The following ZNF385C variants were observed in gnomAD, a reference collection of about 807,000 sequenced individuals.
ZNF385C encodes CTD-2132N18.2.
Under a neutral mutation model 35.4 loss-of-function variants are expected in ZNF385C, and 28 were observed. That is an observed-to-expected ratio of 0.79 (90% CI 0.59 to 1.08). ZNF385C has a LOEUF of 1.08. ZNF385C is among the 50% of genes least tolerant of loss of function. The pLI is 0.00. For missense variants in ZNF385C, 605 were observed against 595.6 expected (o/e 1.02, Z -0.16); for synonymous variants, 248 against 248.2 (o/e 1.00, Z 0.01).
At chr17:42,088,520 C>T (rs549202501) in intron 1 of ZNF385C, among the ~76,000 whole-genome samples, 56 of 152,384 alleles carry the variant, frequency 3.7e-4, no homozygotes, top group African/African-American at 1.3e-3. Context: ...GCTCCAGCCA[C>T]GGGACTCGAG....
At position 42,027,618 on chromosome 17, in the gene ZNF385C, C is replaced by G. The variant is rs781940212; in HGVS notation, c.1275G>C (p.Lys425Asn). 1 of 1,412,894 alleles carries G rather than the reference C, an allele frequency of 7.1e-7. No individual in the cohort carries two copies. The highest frequency in any genetic ancestry group is 9.4e-7 in the Non-Finnish European group (1 of 1,059,490). The allele number at this position is 1,412,894 out of a possible 1,614,324, so 87.5% of individuals were successfully genotyped here. The change falls in exon 8 of 9, where the codon AAG becomes AAC. Residue 425 changes from lysine to asparagine, a missense_variant and splice_region_variant. Lys to Asn is a moderately conservative substitution (Grantham distance 94). Coordinates refer to ENST00000692273, the MANE Select transcript of ZNF385C (RefSeq NM_001392013.1). The part of the protein sequence containing the change: ...KHAALAVSIL[K>N]SKLALQKQLT... ...AGCTCTGTTGCCTGGAGACAGATACCTTGAGGATACTCACAGCCAGCGCTG... is the reference window on the plus strand; with the variant it reads ...AGCTCTGTTGCCTGGAGACAGATACGTTGAGGATACTCACAGCCAGCGCTG...
chr17:42,041,262 C>T (rs982722505), intron 2 of ZNF385C: 29 of 1,203,180 alleles, frequency 2.4e-5, no homozygotes, highest in East Asian at 3.2e-5. Context: ...GCAGGCAGTG[C>T]GGGGTGGTGG....
chr17:42,086,701 CAAA>C lies in ZNF385C; in HGVS notation c.-3+11706_-3+11708del, dbSNP rs1184011274. On this transcript the variant is annotated intron_variant, in intron 1 of 8. Transcript: ENST00000692273. ...TGGGCAACAGAGTGAGATTCCATCTCAAAAAAAAAAAAAAAAAAATCCAATAAA... is the reference window on the plus strand; with the variant it reads ...TGGGCAACAGAGTGAGATTCCATCTCAAAAAAAAAAAAAAAATCCAATAAA... Among the ~76,000 whole-genome samples, 474 of 66,832 alleles carry C rather than the reference CAAA, an allele frequency of 7.1e-3. 2 individuals carry two copies. Among genetic ancestry groups the C allele is most frequent in the African/African-American group, 0.018 (360 of 19,482 alleles). 43.8% of individuals were successfully genotyped at this position (66,832 alleles called of 152,430 possible).
chr17:42,028,501 G>A (rs2052649504), intron 6 of ZNF385C: 5 of 581,442 alleles, frequency 8.6e-6, no homozygotes, highest in Middle Eastern at 4.5e-4. Context: ...CCTTCTGGGT[G>A]TAATCTAAGG....
chr17:42,037,378 TACACACACACAC>T lies in ZNF385C; in HGVS notation c.399+347_399+358del, dbSNP rs5820441. On this transcript the variant is annotated intron_variant, in intron 3 of 8. Coordinates refer to ENST00000692273, the MANE Select transcript of ZNF385C (RefSeq NM_001392013.1). ...GAAACTACAACAAAAAGGCACAGGTTACACACACACACACACACACACACACACACACACACA... is the reference window on the plus strand; with the variant it reads ...GAAACTACAACAAAAAGGCACAGGTTACACACACACACACACACACACACA... Among the ~76,000 whole-genome samples the T allele has an allele frequency of 1.8e-3, 266 of 144,594 alleles. 1 individual carries two copies. The highest frequency in any genetic ancestry group is 0.01 in the Middle Eastern group (3 of 286). 94.9% of individuals were successfully genotyped at this position (144,594 alleles called of 152,430 possible). A position where few individuals can be genotyped will look rare whatever the true frequency, so the allele number is the denominator to read the frequency against.
intron 1 of ZNF385C, among the ~76,000 whole-genome samples, chr17:42,092,021 G>A (rs554569600): frequency 6.6e-5 from 10 of 152,284 alleles, no homozygotes; most frequent in Admixed American, 3.9e-4. Flanking sequence ...GGGGTGAGGA[G>A]ACCCAGGTTC....
chr17:42,035,973 A>C (rs1555655405), intron 3 of ZNF385C, among the ~76,000 whole-genome samples: 1 of 151,686 alleles, frequency 6.6e-6, no homozygotes, highest in Non-Finnish European at 1.5e-5. Flanking sequence ...TTTCTTTGGA[A>C]TATTAATTTG....
chr17:42,048,956 C>T (rs1365304915), intron 2 of ZNF385C, among the ~76,000 whole-genome samples: 1 of 137,384 alleles, frequency 7.3e-6, no homozygotes, highest in Non-Finnish European at 1.6e-5. Context: ...AAAAAAAAAA[C>T]AAAAATACTG....
chr17:42,089,165 A>G (rs911902611), intron 1 of ZNF385C, among the ~76,000 whole-genome samples: 2 of 151,730 alleles, frequency 1.3e-5, no homozygotes, highest in Non-Finnish European at 2.9e-5. Flanking sequence ...AAAATACAAA[A>G]ATTAGCTGGG....
chr17:42,030,115 C>T (rs907686416), intron 5 of ZNF385C, among the ~76,000 whole-genome samples: 1 of 151,858 alleles, frequency 6.6e-6, no homozygotes, highest in African/African-American at 2.4e-5. Flanking sequence ...TGAAAGAGAA[C>T]AAACTACAGC....
At chr17:42,080,647 G>A (rs187886532) in intron 1 of ZNF385C, among the ~76,000 whole-genome samples, 2 of 152,328 alleles carry the variant, frequency 1.3e-5, no homozygotes, top group African/African-American at 4.8e-5. Context: ...GGGAGCAGCT[G>A]CTGACCACAT....
chr17:42,060,911 C>T (rs1555657959), intron 2 of ZNF385C, among the ~76,000 whole-genome samples: 2 of 151,950 alleles, frequency 1.3e-5, no homozygotes, highest in African/African-American at 2.4e-5. Flanking sequence ...GATGAGGTTT[C>T]GCCATGTTGC....
In ZNF385C at chr17:42,027,751, G is replaced by T. The variant is rs781900519; in HGVS notation, c.1165-23C>A. The T allele has an allele frequency of 6.2e-6, 10 of 1,606,212 alleles. No homozygotes were observed. In the Admixed American group the frequency reaches 1.7e-4, roughly 28 times the overall value. On this transcript the variant is annotated intron_variant, in intron 7 of 8. Transcript: ENST00000692273. ...GTGCTAATGGACAGACAGACAGACT[G>T]GGAACAAGATGACAAAGCCCAAGGA... is the stretch of plus-strand genomic sequence containing the variant.
intron 3 of ZNF385C, among the ~76,000 whole-genome samples, chr17:42,035,118 CAAAAAAAAAAAA>C (rs1239388932): frequency 1.2e-5 from 1 of 81,490 alleles, no homozygotes; most frequent in Non-Finnish European, 2.2e-5. Flanking sequence ...GACTCTGTCT[CAAAAAAAAAAAA>C]AAAAAAAAAG....
intron 1 of ZNF385C, among the ~76,000 whole-genome samples, chr17:42,084,447 A>G (rs2053784221): frequency 6.6e-6 from 1 of 152,258 alleles, no homozygotes; most frequent in East Asian, 1.9e-4. Flanking sequence ...TCCAAGATCA[A>G]AATCCTAAAT....
At chr17:42,060,520 G>C (rs143639084) in intron 2 of ZNF385C, among the ~76,000 whole-genome samples, 55 of 152,224 alleles carry the variant, frequency 3.6e-4, no homozygotes, top group African/African-American at 1.3e-3. Flanking sequence ...TTAACAATCT[G>C]GACTGGAGTA....
intron 1 of ZNF385C, among the ~76,000 whole-genome samples, chr17:42,085,709 C>T (rs1049772899): frequency 4.0e-5 from 6 of 151,878 alleles, no homozygotes; most frequent in Non-Finnish European, 8.8e-5. Context: ...GCGATTCTCC[C>T]GCCTTAGACT....
At chr17:42,090,060 C>T (rs1469758414) in intron 1 of ZNF385C, among the ~76,000 whole-genome samples, 1 of 152,142 alleles carries the variant, frequency 6.6e-6, no homozygotes, top group Non-Finnish European at 1.5e-5. Flanking sequence ...CCCCACCTTC[C>T]AGCCACACTG....
rs1189608748 is a variant in ZNF385C, at chr17:42,083,805, G to A, written c.-3+14605C>T. Among the ~76,000 whole-genome samples, 5 of 125,554 alleles carry A rather than the reference G, an allele frequency of 4.0e-5. No individual in the cohort carries two copies. In the East Asian group the frequency reaches 1.0e-3, roughly 25 times the overall value. 82.4% of individuals were successfully genotyped at this position (125,554 alleles called of 152,430 possible). ...GCGATCTCAGATCACTGCAACCTCT[G>A]CCTCCCAGGTTCAAGCGATTCTCCT... On this transcript the variant is annotated intron_variant, in intron 1 of 8. Coordinates refer to ENST00000692273, the MANE Select transcript of ZNF385C (RefSeq NM_001392013.1).
Sources: gnomAD v4.1 joint callset for allele counts (sites outside exome capture counted in the v4.1 genomes callset) on GRCh38, gnomAD v4.1.1 for gene constraint, MANE v1.5 for transcripts, NCBI Gene and HGNC (gene_info 2026-07-23, HGNC 2026-07-21) for gene names.